Variants in KIF24 observed in about 807,000 individuals in gnomAD.
KIF24 encodes kinesin family member 24.
KIF24 carries 81 observed loss-of-function variants against 118.9 expected under a neutral mutation model. The observed-to-expected ratio is 0.68, with a 90% CI of 0.57 to 0.82. KIF24 has a LOEUF of 0.82. Among genes scored for constraint, KIF24 ranks in the 40% least tolerant of loss-of-function variants. The pLI, the probability that KIF24 is intolerant of heterozygous loss-of-function variation, is 0.00. For missense variants in KIF24, 1,560 were observed against 1,661.6 expected (o/e 0.94, Z 1.06); for synonymous variants, 599 against 610.0 (o/e 0.98, Z 0.27).
intron 1 of KIF24, among the ~76,000 whole-genome samples, chr9:34,312,325 C>T (rs1169746845): frequency 1.3e-5 from 2 of 152,154 alleles, no homozygotes; most frequent in African/African-American, 4.8e-5. Flanking sequence ...TAATTAAATA[C>T]TAACAAATAA....
At chr9:34,267,255 A>G (rs1275021236) in intron 8 of KIF24, among the ~76,000 whole-genome samples, 2 of 152,120 alleles carry the variant, frequency 1.3e-5, no homozygotes, top group East Asian at 3.8e-4. Context: ...ACAGAGACTA[A>G]GGGGAAAGAA....
intron 2 of KIF24, among the ~76,000 whole-genome samples, chr9:34,310,081 C>A (rs539878739): frequency 1.3e-5 from 2 of 151,452 alleles, no homozygotes; most frequent in South Asian, 4.2e-4. Flanking sequence ...AATTCTAACT[C>A]GAAGCACTAG....
chr9:34,296,200 CAG>C (rs1231781624), intron 4 of KIF24, among the ~76,000 whole-genome samples: 1 of 129,756 alleles, frequency 7.7e-6, no homozygotes, highest in East Asian at 2.2e-4. Flanking sequence ...GCCTGGGCGA[CAG>C]AGTGAGACTC....
intron 10 of KIF24, 39 bp downstream of exon 10, chr9:34,259,557 C>T: frequency 6.8e-7 from 1 of 1,472,316 alleles, no homozygotes; most frequent in East Asian, 2.3e-5. Flanking sequence ...CATGCACATG[C>T]ACACTTACAC....
At chr9:34,275,347 T>C (rs1411106681) in intron 6 of KIF24, among the ~76,000 whole-genome samples, 2 of 151,928 alleles carry the variant, frequency 1.3e-5, no homozygotes, top group Non-Finnish European at 2.9e-5. Context: ...TGAACTGATA[T>C]CGCACCACTG....
At chr9:34,302,288 G>A (rs1215523291) in intron 3 of KIF24, among the ~76,000 whole-genome samples, 2 of 151,576 alleles carry the variant, frequency 1.3e-5, no homozygotes, top group East Asian at 3.9e-4. Flanking sequence ...ATGCCAGCGC[G>A]GTGCCTGGCC....
At chr9:34,275,004 G>A (rs1835606188) in intron 6 of KIF24, among the ~76,000 whole-genome samples, 1 of 152,292 alleles carries the variant, frequency 6.6e-6, no homozygotes, top group South Asian at 2.1e-4. Flanking sequence ...GCTGGGAAGG[G>A]TAGTGGGGAT....
In KIF24 at chr9:34,262,694, ATATATATATATATATATATG is replaced by A. The variant is rs1448582228; in HGVS notation, c.1515+387_1515+406del. Among the ~76,000 whole-genome samples the A allele has an allele frequency of 2.1e-4, 11 of 51,528 alleles. 1 individual carries two copies. The highest frequency in any genetic ancestry group is 9.0e-4 in the East Asian group (1 of 1,116). The allele number at this position is 51,528 out of a possible 152,430, so 33.8% of individuals were successfully genotyped here. The stretch of plus-strand genomic sequence containing the variant: ...AAAAAAAATATATATATATATATAT[ATATATATATATATATATATG>A]GCCAGGCATGATGGCATATGCCTGT... On this transcript the variant is annotated intron_variant, in intron 9 of 12. Transcript: ENST00000402558.
rs750895233 is a variant in KIF24 at position 34,254,172 on chromosome 9, G to T, written c.*208C>A. The T allele has an allele frequency of 1.5e-5, 7 of 459,880 alleles. No individual in the cohort carries two copies. Among genetic ancestry groups the T allele is most frequent in the Non-Finnish European group, 2.3e-5 (6 of 263,654 alleles). 28.5% of individuals were successfully genotyped at this position (459,880 alleles called of 1,614,324 possible). Reference sequence around the variant, plus strand: ...CTGGCCCACCCTTGGAGGCACTCCTGTGCATGGAACTGAGGGACAGGGGCC... The same window carrying T: ...CTGGCCCACCCTTGGAGGCACTCCTTTGCATGGAACTGAGGGACAGGGGCC... On this transcript the variant is annotated 3_prime_UTR_variant, in exon 13 of 13. Coordinates refer to ENST00000402558, the MANE Select transcript of KIF24 (RefSeq NM_194313.4).
rs187943020 is a variant in KIF24, at chr9:34,318,189, C to T, written c.-25-6818G>A. 2.7e-5 allele frequency among the ~76,000 whole-genome samples: 4 copies of T among 146,150 alleles called. No homozygotes were observed. Among genetic ancestry groups the T allele is most frequent in the East Asian group, 2.4e-4 (1 of 4,088 alleles). ...CAGCCTGGGCAACATAGTGAGACCCCGCCCCTAAAAAAAAGACATGAATAA... is the reference window on the plus strand; with the variant it reads ...CAGCCTGGGCAACATAGTGAGACCCTGCCCCTAAAAAAAAGACATGAATAA... On this transcript the variant is annotated intron_variant, in intron 1 of 12. Transcript: ENST00000402558. The surrounding 1 kb of genome is among the most constrained non-coding windows in gnomAD (Gnocchi z 4.9).
intron 5 of KIF24, among the ~76,000 whole-genome samples, chr9:34,289,547 C>A (rs1836174711): frequency 6.6e-6 from 1 of 152,200 alleles, no homozygotes; most frequent in African/African-American, 2.4e-5. Flanking sequence ...ATTTCCTCCA[C>A]AACTTCTTTT....
rs762230531 is a variant in KIF24, at chr9:34,257,485, T to G, written c.2122A>C (p.Thr708Pro). 8.7e-6 allele frequency: 14 copies of G among 1,613,956 alleles called. No individual in the cohort carries two copies. The highest frequency in any genetic ancestry group is 3.3e-5 in the Admixed American group (2 of 60,014). Residue 708 changes from threonine to proline, a missense_variant, in exon 11 of 13, where the codon ACA becomes CCA. Thr to Pro is a conservative substitution (Grantham distance 38, BLOSUM62 -1). Coordinates refer to ENST00000402558, the MANE Select transcript of KIF24 (RefSeq NM_194313.4). ...AGCTGCTTCTGTACTGGCTGCACTG[T>G]CTGCACTTTCTTGCACTTGGTGGAC... is the stretch of plus-strand genomic sequence containing the variant. ...KLSTKCKKVQ[T>P]VQPVQKQLVS... is the part of the protein sequence containing the mutation.
chr9:34,329,667 A>C (rs1290440299), upstream of KIF24: 1 of 152,380 alleles, frequency 6.6e-6, no homozygotes, highest in African/African-American at 2.4e-5. Flanking sequence ...GAGCGATGGG[A>C]ATCTGCCTCT....
chr9:34,253,732 G>A lies in KIF24; in HGVS notation c.*648C>T, dbSNP rs1299962123. ...TGCCTCAACACTGGATTGCAGGAAG[G>A]GAAGGGAGCTGTAAATATAAGGCCT... On this transcript the variant is annotated 3_prime_UTR_variant, in exon 13 of 13. Coordinates refer to ENST00000402558, the MANE Select transcript of KIF24 (RefSeq NM_194313.4). 6.6e-6 allele frequency: 1 copy of A among 152,240 alleles called. No individual in the cohort carries two copies. The highest frequency in any genetic ancestry group is 2.4e-5 in the African/African-American group (1 of 41,434). 9.4% of individuals were successfully genotyped at this position (152,240 alleles called of 1,614,324 possible).
intron 6 of KIF24, among the ~76,000 whole-genome samples, chr9:34,285,774 CAAAAA>C (rs59097671): frequency 3.1e-5 from 2 of 65,074 alleles, no homozygotes; most frequent in African/African-American, 5.7e-5. Flanking sequence ...GACTCCATCT[CAAAAA>C]AAAAAAAAAA....
At position 34,318,688 on chromosome 9, in the gene KIF24, A is replaced by T. The variant is rs1837411916; in HGVS notation, c.-25-7317T>A. ...CGACCACGGCGTCGGAGGCCAAGGC[A>T]GTGCTGAGTGCCAAGCAGCTGAGCG... On this transcript the variant is annotated intron_variant, in intron 1 of 12. Coordinates refer to ENST00000402558, the MANE Select transcript of KIF24 (RefSeq NM_194313.4). The surrounding 1 kb of genome is among the most constrained non-coding windows in gnomAD (Gnocchi z 4.9). The T allele has an allele frequency of 2.0e-6, 3 of 1,534,644 alleles. No homozygotes were observed. Among genetic ancestry groups the T allele is most frequent in the Non-Finnish European group, 2.7e-6 (3 of 1,130,106 alleles).
intron 1 of KIF24, among the ~76,000 whole-genome samples, chr9:34,311,931 G>A (rs1350389789): frequency 6.6e-6 from 1 of 152,004 alleles, no homozygotes; most frequent in East Asian, 1.9e-4. Flanking sequence ...CCCAACAACT[G>A]ATTGTAGCAG....
chr9:34,254,974 C>A (rs988577751), intron 12 of KIF24, 98 bp downstream of exon 12: 1 of 810,314 alleles, frequency 1.2e-6, no homozygotes, highest in South Asian at 1.6e-5. Flanking sequence ...GCCAGGAGAC[C>A]CTTTCCCCAC....
Position 34,255,072 on chromosome 9 carries a change from A to G in KIF24, c.3966T>C (p.Asn1322=), listed in dbSNP as rs774808437. The G allele has an allele frequency of 2.9e-5, 46 of 1,578,762 alleles. No homozygotes were observed. In the Admixed American group the frequency reaches 8.1e-4, roughly 28 times the overall value. The part of the protein sequence containing the change: ...EETLMSQLAS[N]DFEDFVTQLD... ...TGAGTGTCCAGCCAGGGCTACTTAC[A>G]TTAGAAGCCAGCTGGCTCATCAGCG... Residue 1322 remains asparagine (N), a splice_region_variant and synonymous_variant, in exon 12 of 13, where the codon AAT becomes AAC. Coordinates refer to ENST00000402558, the MANE Select transcript of KIF24 (RefSeq NM_194313.4).
Sources: allele counts gnomAD v4.1 joint callset (sites outside exome capture counted in the v4.1 genomes callset), GRCh38; gene constraint gnomAD v4.1.1; non-coding constraint Gnocchi (gnomAD v3.1); transcripts MANE v1.5; gene names NCBI Gene and HGNC (gene_info 2026-07-23, HGNC 2026-07-21).